The following MYH16 variants were observed in gnomAD, a reference collection of about 807,000 sequenced individuals.
MYH16 encodes putative uncharacterized protein MYH16.
intron 38 of MYH16, among the ~76,000 whole-genome samples, chr7:99,302,861 T>A (rs1584361295): frequency 7.2e-6 from 1 of 138,172 alleles, no homozygotes. Flanking sequence ...CCAGCCTGAG[T>A]AACAGAGCAA....
chr7:99,259,730 GTATA>G (rs1202006986), intron 11 of MYH16, among the ~76,000 whole-genome samples: 1 of 147,328 alleles, frequency 6.8e-6, no homozygotes, highest in Non-Finnish European at 1.5e-5. Flanking sequence ...GTGTGTGTGT[GTATA>G]TATATATTAT....
At chr7:99,273,244 AT>A in intron 19 of MYH16, 97 bp from the exon 2 acceptor site, 1 of 439,446 alleles carries the variant, frequency 2.3e-6, no homozygotes, top group South Asian at 1.6e-5. Flanking sequence ...AACAAGGTAG[AT>A]CTGCTGGCTT....
intron 30 of MYH16, among the ~76,000 whole-genome samples, chr7:99,290,504 A>AG (rs1423434127): frequency 0.1 from 14,823 of 144,842 alleles, 1,251 homozygotes; most frequent in African/African-American, 0.22. Flanking sequence ...AAAAAAAAAA[A>AG]AAAATCAATA....
intron 22 of MYH16, among the ~76,000 whole-genome samples, chr7:99,280,223 C>A (rs1217707624): frequency 6.6e-6 from 1 of 152,244 alleles, no homozygotes; most frequent in African/African-American, 2.4e-5. Flanking sequence ...AATGCAATTC[C>A]TCAGTTGCAC....
At chr7:99,257,509 CT>C (rs2150809999) in intron 10 of MYH16, 1 of 152,864 alleles carries the variant, frequency 6.5e-6, no homozygotes, top group Non-Finnish European at 1.5e-5. Flanking sequence ...CTTTCCAGGG[CT>C]TTGTGACCAT....
At chr7:99,283,577 G>A (rs1287822598) in exon 24 of MYH16, 4 of 456,248 alleles carry the variant, frequency 8.8e-6, no homozygotes, top group Middle Eastern at 3.7e-4. Context: ...AACCCTGGAC[G>A]ACCTACAGGC....
At chr7:99,298,236 G>GT (rs1225164206) in intron 36 of MYH16, among the ~76,000 whole-genome samples, 797 of 141,144 alleles carry the variant, frequency 5.6e-3, no homozygotes, top group East Asian at 0.028. Context: ...GTTCTTTTTG[G>GT]TTTTTTTTTT....
chr7:99,240,176 AC>A (rs1220992253), intron 1 of MYH16, among the ~76,000 whole-genome samples: 3 of 152,028 alleles, frequency 2.0e-5, no homozygotes, highest in Admixed American at 1.3e-4. Flanking sequence ...GGATTTATTG[AC>A]CCTATTTTGC....
chr7:99,269,231 C>A (rs951911511), intron 18 of MYH16, among the ~76,000 whole-genome samples: 1 of 152,172 alleles, frequency 6.6e-6, no homozygotes, highest in African/African-American at 2.4e-5. Context: ...CCTCCCTACC[C>A]CCAGGAGTAA....
At chr7:99,288,673 G>C (rs1464441489) in intron 29 of MYH16, among the ~76,000 whole-genome samples, 1 of 152,078 alleles carries the variant, frequency 6.6e-6, no homozygotes, top group African/African-American at 2.4e-5. Context: ...GGGCGACAGA[G>C]CAAGACTCTG....
downstream of MYH16, among the ~76,000 whole-genome samples, chr7:99,309,862 T>C (rs1460036499): frequency 6.6e-6 from 1 of 152,008 alleles, no homozygotes; most frequent in Non-Finnish European, 1.5e-5. Context: ...ATCCATTTTG[T>C]TTTTATTTAA....
At chr7:99,240,816 G>A (rs954285758) in intron 1 of MYH16, among the ~76,000 whole-genome samples, 1 of 148,168 alleles carries the variant, frequency 6.7e-6, no homozygotes, top group African/African-American at 2.5e-5. Context: ...CTCCAGCCTG[G>A]GTGACAGACA....
At chr7:99,302,572 T>A (rs1792616094) in intron 38 of MYH16, among the ~76,000 whole-genome samples, 1 of 151,050 alleles carries the variant, frequency 6.6e-6, no homozygotes, top group African/African-American at 2.4e-5. Flanking sequence ...GACTCAAAAA[T>A]AAAAATAAAA....
At chr7:99,284,727 A>C (rs1792252908) in intron 25 of MYH16, 118 bp from the exon 8 acceptor site, 3 of 412,428 alleles carry the variant, frequency 7.3e-6, no homozygotes, top group Non-Finnish European at 1.5e-5. Context: ...AGGGGCTGGG[A>C]GGTACGTGCT....
In MYH16 at chr7:99,248,354, G is replaced by A. The variant is rs976100460; in HGVS notation, n.511+604G>A. ...TGACATCAGGTGATCCACCCATCTCGGCCTCCCAAAGTGCTGGCTTTACAG... is the reference window on the plus strand; with the variant it reads ...TGACATCAGGTGATCCACCCATCTCAGCCTCCCAAAGTGCTGGCTTTACAG... On this transcript the variant is annotated intron_variant and non_coding_transcript_variant, in intron 3 of 41. Transcript: ENST00000439784. Among the ~76,000 whole-genome samples, 6 of 152,162 alleles carry A rather than the reference G, an allele frequency of 3.9e-5. No homozygotes were observed. The East Asian group carries it at 9.7e-4, about 25-fold the overall frequency.
At chr7:99,304,271 A>C (rs73395508) in intron 39 of MYH16, among the ~76,000 whole-genome samples, 23,526 of 152,158 alleles carry the variant, frequency 0.15, 2,490 homozygotes, top group African/African-American at 0.3. Flanking sequence ...CCAACTCCAG[A>C]GGCTGTGCTT....
chr7:99,296,362 T>C (rs1046468626), intron 33 of MYH16, among the ~76,000 whole-genome samples: 10 of 152,120 alleles, frequency 6.6e-5, no homozygotes, highest in East Asian at 1.9e-4. Flanking sequence ...CAGTGAAATA[T>C]ATTAAGGGGA....
At chr7:99,245,248 T>C (rs1234715083) in intron 2 of MYH16, among the ~76,000 whole-genome samples, 1 of 152,254 alleles carries the variant, frequency 6.6e-6, no homozygotes, top group African/African-American at 2.4e-5. Context: ...CAGTTTGTAC[T>C]TAATAAGTTT....
chr7:99,296,707 GC>G, exon 34 of MYH16: 2 of 455,720 alleles, frequency 4.4e-6, no homozygotes, highest in Non-Finnish European at 8.8e-6. Context: ...CTAGGCCAAT[GC>G]TGCAGCTGCT....
Sources: allele counts gnomAD v4.1 joint callset (sites outside exome capture counted in the v4.1 genomes callset), GRCh38; gene constraint gnomAD v4.1.1; transcripts MANE v1.5; gene names NCBI Gene and HGNC (gene_info 2026-07-23, HGNC 2026-07-21).